The following SMYD3 variants were observed in gnomAD, a reference collection of about 807,000 sequenced individuals.
SMYD3 encodes the protein histone-lysine N-methyltransferase SMYD3.
A neutral mutation model predicts 57.7 loss-of-function variants in SMYD3; 36 were observed. The ratio of observed to expected loss-of-function variants is 0.62; its 90% CI spans 0.48 to 0.82. SMYD3 has a LOEUF of 0.82. SMYD3 is among the 40% of genes least tolerant of loss of function. The pLI, the probability that SMYD3 is intolerant of heterozygous loss-of-function variation, is 0.00. For synonymous variants in SMYD3, 211 were observed against 195.0 expected, an observed-to-expected ratio of 1.08 and a Z score of -0.68; for missense variants, 515 against 538.8, an observed-to-expected ratio of 0.96 and a Z score of 0.44.
chr1:246,369,418 A>T (rs1474079898), intron 1 of SMYD3, among the ~76,000 whole-genome samples: 1 of 152,226 alleles, frequency 6.6e-6, no homozygotes, highest in African/African-American at 2.4e-5. Context: ...TAAAAATTGA[A>T]GTGATTACAC....
At chr1:245,840,693 A>AG (rs1260782241) in intron 10 of SMYD3, among the ~76,000 whole-genome samples, 1 of 152,180 alleles carries the variant, frequency 6.6e-6, no homozygotes, top group African/African-American at 2.4e-5. Flanking sequence ...TTAAATCTAA[A>AG]AATACTACAT....
intron 5 of SMYD3, among the ~76,000 whole-genome samples, chr1:246,007,402 A>C (rs1172734818): frequency 6.6e-6 from 1 of 152,162 alleles, no homozygotes; most frequent in Non-Finnish European, 1.5e-5. Flanking sequence ...TTGCAGAGAC[A>C]ACTCTCTGAT....
chr1:246,136,883 C>A (rs1302686031), intron 5 of SMYD3, among the ~76,000 whole-genome samples: 1 of 152,190 alleles, frequency 6.6e-6, no homozygotes, highest in Non-Finnish European at 1.5e-5. Context: ...CTGCAGAGCA[C>A]AGTCTGCCCA....
chr1:245,900,318 C>T (rs1441062095), intron 8 of SMYD3, among the ~76,000 whole-genome samples: 2 of 152,204 alleles, frequency 1.3e-5, no homozygotes, highest in African/African-American at 2.4e-5. Flanking sequence ...TGACACCATT[C>T]TGAACAACAA....
At chr1:246,445,782 G>C (rs1206210804) in intron 1 of SMYD3, among the ~76,000 whole-genome samples, 1 of 151,244 alleles carries the variant, frequency 6.6e-6, no homozygotes, top group African/African-American at 2.4e-5. Context: ...GAATGACTTA[G>C]ACTTAATTCT....
intron 5 of SMYD3, among the ~76,000 whole-genome samples, chr1:246,028,541 C>G (rs1475283440): frequency 2.6e-5 from 4 of 152,006 alleles, no homozygotes; most frequent in Non-Finnish European, 4.4e-5. Context: ...AGAGAGAACT[C>G]TAGAAGGACA....
chr1:246,110,093 CA>C (rs990412706), intron 5 of SMYD3, among the ~76,000 whole-genome samples: 108 of 152,204 alleles, frequency 7.1e-4, no homozygotes, highest in African/African-American at 2.5e-3. Flanking sequence ...ACACTTACAC[CA>C]AAACTGTGAA....
At chr1:246,083,319 A>G (rs1453681705) in intron 5 of SMYD3, among the ~76,000 whole-genome samples, 2 of 152,144 alleles carry the variant, frequency 1.3e-5, no homozygotes, top group African/African-American at 2.4e-5. Flanking sequence ...AGGCATTGAG[A>G]TGTTTATGTA....
At chr1:246,472,842 C>T (rs1191927939) in intron 1 of SMYD3, among the ~76,000 whole-genome samples, 1 of 148,548 alleles carries the variant, frequency 6.7e-6, no homozygotes, top group Admixed American at 6.9e-5. Flanking sequence ...CCCGCAGTTA[C>T]TCTCAAATTT....
At chr1:245,887,273 G>T (rs1476100341) in intron 8 of SMYD3, among the ~76,000 whole-genome samples, 1 of 152,116 alleles carries the variant, frequency 6.6e-6, no homozygotes, top group Non-Finnish European at 1.5e-5. Context: ...CCAGCACCAT[G>T]ACAGTTTACA....
intron 1 of SMYD3, among the ~76,000 whole-genome samples, chr1:246,432,349 C>T (rs948346256): frequency 6.6e-6 from 1 of 152,318 alleles, no homozygotes; most frequent in African/African-American, 2.4e-5. Context: ...CACCACCATA[C>T]ATCAATTAGA....
intron 8 of SMYD3, among the ~76,000 whole-genome samples, chr1:245,867,876 G>A (rs1380010531): frequency 1.3e-5 from 2 of 152,226 alleles, no homozygotes; most frequent in South Asian, 2.1e-4. Context: ...AAGTGCGGAC[G>A]CAGAAGCGTG....
At chr1:246,226,128 C>T (rs78223573) in intron 5 of SMYD3, among the ~76,000 whole-genome samples, 9,014 of 152,182 alleles carry the variant, frequency 0.059, 432 homozygotes, top group African/African-American at 0.12. Flanking sequence ...GCTCTATAAA[C>T]CCGAACTCAA....
chr1:246,491,050 G>A (rs2068261819), intron 1 of SMYD3, among the ~76,000 whole-genome samples: 1 of 152,168 alleles, frequency 6.6e-6, no homozygotes, highest in African/African-American at 2.4e-5. Flanking sequence ...AAAGTTCAGA[G>A]CTGTTAAGTA....
intron 10 of SMYD3, among the ~76,000 whole-genome samples, chr1:245,787,772 G>A (rs187515153): frequency 2.0e-5 from 3 of 152,122 alleles, no homozygotes; most frequent in Non-Finnish European, 2.9e-5. Context: ...ACACAACTAC[G>A]TGCTGCATTT....
intron 5 of SMYD3, among the ~76,000 whole-genome samples, chr1:246,318,426 G>A (rs2065198691): frequency 6.6e-6 from 1 of 152,154 alleles, no homozygotes; most frequent in Admixed American, 6.5e-5. Flanking sequence ...TTATCAAAGT[G>A]TGCTCCACAA....
At chr1:246,031,513 A>G (rs1295460339) in intron 5 of SMYD3, among the ~76,000 whole-genome samples, 5 of 152,136 alleles carry the variant, frequency 3.3e-5, no homozygotes, top group African/African-American at 1.2e-4. Context: ...CGAGGCAGGC[A>G]GATCACGAAG....
At chr1:246,175,740 T>C (rs955370720) in intron 5 of SMYD3, among the ~76,000 whole-genome samples, 5 of 152,130 alleles carry the variant, frequency 3.3e-5, no homozygotes, top group Non-Finnish European at 7.3e-5. Context: ...AAATAGAGGG[T>C]AATTTACTGG....
At chr1:246,031,635 G>C (rs916537341) in intron 5 of SMYD3, among the ~76,000 whole-genome samples, 3 of 151,968 alleles carry the variant, frequency 2.0e-5, no homozygotes, top group African/African-American at 7.3e-5. Flanking sequence ...TACTCGGGAG[G>C]CTGAGGCAGG....
Sources: gnomAD v4.1 joint callset for allele counts (sites outside exome capture counted in the v4.1 genomes callset) on GRCh38, gnomAD v4.1.1 for gene constraint, MANE v1.5 for transcripts, NCBI Gene and HGNC (gene_info 2026-07-23, HGNC 2026-07-21) for gene names.